The following CTNNA3 variants were observed in gnomAD, a reference collection of about 807,000 sequenced individuals.
CTNNA3 encodes the protein catenin alpha-3.
Under a neutral mutation model 95.7 loss-of-function variants are expected in CTNNA3, and 76 were observed. The ratio of observed to expected loss-of-function variants is 0.79; its 90% CI spans 0.66 to 0.96. CTNNA3 has a LOEUF of 0.96. Among genes scored for constraint, CTNNA3 ranks in the 40% least tolerant of loss-of-function variants. The pLI, the probability that CTNNA3 is intolerant of heterozygous loss-of-function variation, is 0.00. For missense variants in CTNNA3, 1,191 were observed against 1,089.8 expected (o/e 1.09, Z -1.31); for synonymous variants, 431 against 374.4 (o/e 1.15, Z -1.74).
chr10:67,149,292 A>G (rs928081404), intron 7 of CTNNA3, among the ~76,000 whole-genome samples: 1 of 152,178 alleles, frequency 6.6e-6, no homozygotes, highest in Non-Finnish European at 1.5e-5. Flanking sequence ...GTTTGAGCAG[A>G]AAGTCAAAAG....
intron 7 of CTNNA3, among the ~76,000 whole-genome samples, chr10:66,886,714 A>G (rs16923665): frequency 0.03 from 4,589 of 152,158 alleles, 124 homozygotes; most frequent in African/African-American, 0.069. Context: ...GTCTAATCCC[A>G]TTCCATACCT....
chr10:66,082,651 G>A (rs1478662983), intron 14 of CTNNA3, among the ~76,000 whole-genome samples: 2 of 150,882 alleles, frequency 1.3e-5, no homozygotes, highest in African/African-American at 4.8e-5. Context: ...GTTAACATTA[G>A]GGGAAATTAG....
chr10:65,988,699 G>A lies in CTNNA3; in HGVS notation c.2258C>T (p.Ala753Val). ...SRMDVLARQI[A>V]NQCPDPSCKQ... is the part of the protein sequence containing the mutation. Reference sequence around the variant, plus strand: ...CACTTGTAAGTAACTCACCTGATTAGCAATCTGCCGAGCAAGGACATCCAT... The same window carrying A: ...CACTTGTAAGTAACTCACCTGATTAACAATCTGCCGAGCAAGGACATCCAT... Residue 753 changes from alanine to valine, a missense_variant, in exon 16 of 18, where the codon GCT becomes GTT. By Grantham distance (64) the Ala-to-Val change is moderately conservative (BLOSUM62 0). Transcript: ENST00000433211. The A allele has an allele frequency of 6.2e-7, 1 of 1,612,248 alleles. No individual in the cohort carries two copies. Among genetic ancestry groups the A allele is most frequent in the Non-Finnish European group, 8.5e-7 (1 of 1,178,566 alleles).
At chr10:66,152,553 T>C (rs1360845515) in intron 13 of CTNNA3, among the ~76,000 whole-genome samples, 3 of 151,966 alleles carry the variant, frequency 2.0e-5, no homozygotes, top group African/African-American at 4.8e-5. Flanking sequence ...GAATGTCTTA[T>C]AGACATTAAT....
At chr10:67,338,690 A>G (rs1842076612) in intron 5 of CTNNA3, among the ~76,000 whole-genome samples, 1 of 152,240 alleles carries the variant, frequency 6.6e-6, no homozygotes, top group African/African-American at 2.4e-5. Flanking sequence ...TAAATGTCTC[A>G]TGAAGCAATT....
chr10:66,339,888 C>T lies in CTNNA3; in HGVS notation c.1732+39264G>A, dbSNP rs575973279. On this transcript the variant is annotated intron_variant, in intron 12 of 17. Transcript: ENST00000433211. ...GTCAGATTTCTTGAGTGGCTCCCTG[C>T]TTCTAATACCCATAATTTGCTGGAT... is the stretch of plus-strand genomic sequence containing the variant. Among the ~76,000 whole-genome samples, 37 of 151,848 alleles carry T rather than the reference C, an allele frequency of 2.4e-4. 1 individual carries two copies. Among genetic ancestry groups the T allele is most frequent in the Admixed American group, 2.0e-3 (30 of 15,248 alleles).
At chr10:67,460,413 A>G (rs895996497) in intron 5 of CTNNA3, among the ~76,000 whole-genome samples, 1 of 152,272 alleles carries the variant, frequency 6.6e-6, no homozygotes, top group Middle Eastern at 3.4e-3. Flanking sequence ...GGTTTAAGAG[A>G]ATTTTTTAAA....
At chr10:66,546,701 A>T (rs1216256046) in intron 10 of CTNNA3, among the ~76,000 whole-genome samples, 1 of 152,106 alleles carries the variant, frequency 6.6e-6, no homozygotes, top group East Asian at 1.9e-4. Flanking sequence ...ATCACTCACT[A>T]TCATGAGGAC....
chr10:66,027,929 A>C (rs1275592294), intron 15 of CTNNA3, among the ~76,000 whole-genome samples: 1 of 152,198 alleles, frequency 6.6e-6, no homozygotes, highest in African/African-American at 2.4e-5. Flanking sequence ...AAATGTTGAC[A>C]ATGACAGATT....
At chr10:66,377,376 T>A (rs1396356446) in intron 12 of CTNNA3, among the ~76,000 whole-genome samples, 1 of 152,088 alleles carries the variant, frequency 6.6e-6, no homozygotes, top group Non-Finnish European at 1.5e-5. Context: ...AATGTGATAA[T>A]GTAGCCATAT....
rs562431521 is a variant in CTNNA3, at chr10:66,178,944, T to C, written c.1885-75695A>G. ...ACACAGAAACTGTGTCACTCATACA[T>C]GGCTAATTGGAATGTAAAATGACAC... On this transcript the variant is annotated intron_variant, in intron 13 of 17. Coordinates refer to ENST00000433211, the MANE Select transcript of CTNNA3 (RefSeq NM_013266.4). 2.0e-5 allele frequency among the ~76,000 whole-genome samples: 3 copies of C among 152,098 alleles called. No homozygotes were observed. The East Asian group carries it at 5.8e-4, about 29-fold the overall frequency.
intron 10 of CTNNA3, among the ~76,000 whole-genome samples, chr10:66,608,497 C>T (rs1844211014): frequency 6.6e-6 from 1 of 151,954 alleles, no homozygotes; most frequent in East Asian, 1.9e-4. Flanking sequence ...CAAGACAATC[C>T]TATGTAAAAA....
chr10:65,927,279 A>C (rs1372023634), intron 17 of CTNNA3, among the ~76,000 whole-genome samples: 1 of 152,216 alleles, frequency 6.6e-6, no homozygotes, highest in Non-Finnish European at 1.5e-5. Context: ...TACTATTGTG[A>C]TTAAAGAATA....
chr10:67,056,177 A>G (rs1235308048), intron 7 of CTNNA3, among the ~76,000 whole-genome samples: 3 of 152,168 alleles, frequency 2.0e-5, no homozygotes, highest in Non-Finnish European at 4.4e-5. Context: ...TTTATATCAC[A>G]TAAGAGTTGA....
At chr10:66,226,572 T>C (rs2131995640) in intron 13 of CTNNA3, among the ~76,000 whole-genome samples, 1 of 149,556 alleles carries the variant, frequency 6.7e-6, no homozygotes, top group African/African-American at 2.4e-5. Context: ...AGGATTTTTT[T>C]TCCTTTTTTT....
At position 66,685,284 on chromosome 10, in the gene CTNNA3, A is replaced by AGTATATATATGTGT. The variant is rs1847230690; in HGVS notation, c.1282-63514_1282-63501dup. 4.1e-5 allele frequency among the ~76,000 whole-genome samples: 3 copies of AGTATATATATGTGT among 73,056 alleles called. No homozygotes were observed. The Admixed American group carries it at 6.1e-4, about 15-fold the overall frequency. 47.9% of individuals were successfully genotyped at this position (73,056 alleles called of 152,430 possible). ...ATGTGTGTATATATACGTATATATA[A>AGTATATATATGTGT]GTATATATATGTGTGTATATATATG... is the stretch of plus-strand genomic sequence containing the variant. On this transcript the variant is annotated intron_variant, in intron 9 of 17. Transcript: ENST00000433211.
chr10:66,394,781 T>C (rs1485190277), intron 11 of CTNNA3, among the ~76,000 whole-genome samples: 3 of 151,930 alleles, frequency 2.0e-5, no homozygotes, highest in Non-Finnish European at 2.9e-5. Flanking sequence ...TAGTTCAAAA[T>C]ACAGAACAAC....
chr10:67,066,973 A>G (rs1190899209), intron 7 of CTNNA3, among the ~76,000 whole-genome samples: 1 of 152,170 alleles, frequency 6.6e-6, no homozygotes, highest in Non-Finnish European at 1.5e-5. Flanking sequence ...CTGTCTCTTA[A>G]TTTAACAGAG....
intron 3 of CTNNA3, among the ~76,000 whole-genome samples, chr10:67,596,031 A>C (rs183858345): frequency 1.3e-5 from 2 of 152,216 alleles, no homozygotes; most frequent in Admixed American, 1.3e-4. Context: ...ACTGTAGGTG[A>C]GATGGGTCTC....
Sources: gnomAD v4.1 joint callset for allele counts (sites outside exome capture counted in the v4.1 genomes callset) on GRCh38, gnomAD v4.1.1 for gene constraint, MANE v1.5 for transcripts, NCBI Gene and HGNC (gene_info 2026-07-23, HGNC 2026-07-21) for gene names.